RPS6KA2: variants seen among roughly 807,000 people sequenced by gnomAD.
The protein encoded by RPS6KA2 is ribosomal protein S6 kinase alpha-2.
Under a neutral mutation model 91.8 loss-of-function variants are expected in RPS6KA2, and 42 were observed. The observed-to-expected ratio is 0.46, with a 90% CI of 0.36 to 0.59. The LOEUF is 0.59. RPS6KA2 is among the 20% of genes least tolerant of loss of function. RPS6KA2 has a pLI of 0.00. For synonymous variants in RPS6KA2, 414 were observed against 393.6 expected (o/e 1.05, Z -0.61); for missense variants, 798 against 978.5 (o/e 0.82, Z 2.46).
intron 2 of RPS6KA2, among the ~76,000 whole-genome samples, chr6:166,703,653 C>T (rs1279653617): frequency 6.6e-6 from 1 of 152,206 alleles, no homozygotes; most frequent in Non-Finnish European, 1.5e-5. Context: ...GGTTGCTCAA[C>T]ATTTCTTCAC....
At chr6:166,827,195 T>G (rs1425061841) in intron 2 of RPS6KA2, among the ~76,000 whole-genome samples, 1 of 142,892 alleles carries the variant, frequency 7.0e-6, no homozygotes, top group Non-Finnish European at 1.5e-5. Flanking sequence ...CTTGTACACC[T>G]GATAATGAAA....
chr6:166,802,563 T>C (rs1455550544), intron 2 of RPS6KA2, among the ~76,000 whole-genome samples: 1 of 152,138 alleles, frequency 6.6e-6, no homozygotes, highest in African/African-American at 2.4e-5. Context: ...CTAACGGGAA[T>C]GTTTTCTGGG....
Position 166,464,679 on chromosome 6 carries a change from T to G in RPS6KA2, c.973-5128A>C, listed in dbSNP as rs796643475. 5.3e-5 allele frequency among the ~76,000 whole-genome samples: 8 copies of G among 152,298 alleles called. 1 individual carries two copies. The highest frequency in any genetic ancestry group is 1.9e-4 in the African/African-American group (8 of 41,552). On this transcript the variant is annotated intron_variant, in intron 11 of 20. Coordinates refer to ENST00000265678, the MANE Select transcript of RPS6KA2 (RefSeq NM_021135.6). ...TTTTTTTGGGTTCGTGCTAATTCTG[T>G]GTTCTCAGCATGCTTCAGCCACGGG... is the stretch of plus-strand genomic sequence containing the variant.
chr6:166,844,474 T>C (rs1307534121), intron 2 of RPS6KA2, among the ~76,000 whole-genome samples: 1 of 152,176 alleles, frequency 6.6e-6, no homozygotes, highest in Admixed American at 6.5e-5. Context: ...AGTCATCAAG[T>C]TATCTACAGT....
chr6:166,842,635 C>T (rs532164128), intron 2 of RPS6KA2, among the ~76,000 whole-genome samples: 6 of 152,266 alleles, frequency 3.9e-5, no homozygotes, highest in Non-Finnish European at 7.4e-5. Context: ...ATAACGGACC[C>T]GAAGGGCTTT....
intron 19 of RPS6KA2, among the ~76,000 whole-genome samples, chr6:166,416,600 G>A (rs1357240535): frequency 4.7e-5 from 7 of 148,832 alleles, no homozygotes; most frequent in Admixed American, 4.7e-4. Context: ...CGCCACCTCT[G>A]CCACCACTTC....
intron 19 of RPS6KA2, among the ~76,000 whole-genome samples, chr6:166,414,242 TTA>T (rs1778420421): frequency 6.6e-6 from 1 of 152,232 alleles, no homozygotes; most frequent in South Asian, 2.1e-4. Context: ...CTTGTAACAA[TTA>T]TATCTTTCCA....
At chr6:166,501,553 C>G (rs16899021) in intron 6 of RPS6KA2, among the ~76,000 whole-genome samples, 1 of 152,218 alleles carries the variant, frequency 6.6e-6, no homozygotes, top group Non-Finnish European at 1.5e-5. Context: ...GCCCTTGTCA[C>G]GCCATGTGCC....
chr6:166,754,329 C>G (rs888488341), intron 2 of RPS6KA2, among the ~76,000 whole-genome samples: 18 of 152,286 alleles, frequency 1.2e-4, no homozygotes, highest in African/African-American at 4.3e-4. Flanking sequence ...AGAGAGGGGG[C>G]CAAGCCCTGG....
At chr6:166,607,441 T>C (rs1237702916) in intron 1 of RPS6KA2, among the ~76,000 whole-genome samples, 1 of 152,206 alleles carries the variant, frequency 6.6e-6, no homozygotes. Flanking sequence ...TGCAGTGGAA[T>C]ATTACTTGGC....
chr6:166,629,801 T>TG (rs371404653), upstream of RPS6KA2, among the ~76,000 whole-genome samples: 129 of 152,272 alleles, frequency 8.5e-4, no homozygotes, highest in African/African-American at 3.1e-3. Context: ...CTGAATTCCG[T>TG]GGTGACTGCT....
At chr6:166,721,999 C>G (rs1242286567) in intron 2 of RPS6KA2, among the ~76,000 whole-genome samples, 1 of 152,162 alleles carries the variant, frequency 6.6e-6, no homozygotes. Context: ...TTAAAATAGT[C>G]CACTTTATTT....
At chr6:166,476,709 C>G (rs1229532250) in intron 10 of RPS6KA2, among the ~76,000 whole-genome samples, 1 of 152,006 alleles carries the variant, frequency 6.6e-6, no homozygotes, top group Non-Finnish European at 1.5e-5. Flanking sequence ...CGAGGGGACT[C>G]ACACTAGGGG....
At position 166,490,750 on chromosome 6, in the gene RPS6KA2, C is replaced by A. The variant is rs1330866954; in HGVS notation, c.748-9G>T. On this transcript the variant is annotated splice_polypyrimidine_tract_variant and intron_variant, in intron 8 of 20. Coordinates refer to ENST00000265678, the MANE Select transcript of RPS6KA2 (RefSeq NM_021135.6). The surrounding 1 kb of genome is among the most constrained non-coding windows in gnomAD (Gnocchi z 4.2). ...CCCGTGAGCATCTCAAACTGCAGAG[C>A]AACACAGAGCACAGTGAGTTCATTC... 1.9e-6 allele frequency: 3 copies of A among 1,608,586 alleles called. No individual in the cohort carries two copies. The highest frequency in any genetic ancestry group is 2.7e-5 in the African/African-American group (2 of 74,756).
intron 11 of RPS6KA2, among the ~76,000 whole-genome samples, chr6:166,468,879 CAGAG>C (rs918597287): frequency 1.5e-4 from 20 of 136,150 alleles, no homozygotes; most frequent in East Asian, 8.7e-4. Flanking sequence ...AAAAAGAAGA[CAGAG>C]AGGAAAGCGA....
At position 166,702,880 on chromosome 6, in the gene RPS6KA2, G is replaced by GA. The variant is rs1583033551; in HGVS notation, c.123+155319dup. 1.5e-5 allele frequency: 13 copies of GA among 854,796 alleles called. No individual in the cohort carries two copies. In the East Asian group the frequency reaches 3.2e-4, roughly 21 times the overall value. The allele number at this position is 854,796 out of a possible 1,614,324, so 53.0% of individuals were successfully genotyped here. A position where few individuals can be genotyped will look rare whatever the true frequency, so the allele number is the denominator to read the frequency against. On this transcript the variant is annotated intron_variant, in intron 2 of 21. Coordinates refer to the RPS6KA2 transcript ENST00000503859. ...TTTAAAAAAAATTAATGAGAAAAACGAAAATTAAAACCACCCACGGTGATG... is the reference window on the plus strand; with the variant it reads ...TTTAAAAAAAATTAATGAGAAAAACGAAAAATTAAAACCACCCACGGTGATG...
upstream of RPS6KA2, among the ~76,000 whole-genome samples, chr6:166,632,091 G>A (rs1041312359): frequency 6.6e-6 from 1 of 152,072 alleles, no homozygotes; most frequent in Non-Finnish European, 1.5e-5. Flanking sequence ...GAGCAACATC[G>A]CCCTTCCCCA....
intron 2 of RPS6KA2, among the ~76,000 whole-genome samples, chr6:166,691,190 G>A (rs556258816): frequency 5.3e-5 from 8 of 151,932 alleles, no homozygotes; most frequent in Admixed American, 2.6e-4. Context: ...TGAAAATTAC[G>A]GCCCCGGGTT....
rs1779897074 is a variant in RPS6KA2, at chr6:166,451,085, G to A, written c.1206+18C>T. 1.2e-6 allele frequency: 2 copies of A among 1,613,704 alleles called. No individual in the cohort carries two copies. Among genetic ancestry groups the A allele is most frequent in the Non-Finnish European group, 1.7e-6 (2 of 1,179,744 alleles). On this transcript the variant is annotated intron_variant, in intron 13 of 20. Transcript: ENST00000265678. Reference sequence around the variant, plus strand: ...AGTGCCCTCTTACCCCCAACCCACTGCAGGCAAACACAGTTACCTGCACGA... The same window carrying A: ...AGTGCCCTCTTACCCCCAACCCACTACAGGCAAACACAGTTACCTGCACGA...
Sources: allele counts gnomAD v4.1 joint callset (sites outside exome capture counted in the v4.1 genomes callset), GRCh38; gene constraint gnomAD v4.1.1; non-coding constraint Gnocchi (gnomAD v3.1); transcripts MANE v1.5; gene names NCBI Gene and HGNC (gene_info 2026-07-23, HGNC 2026-07-21).